PRKG1: variants seen among roughly 807,000 people sequenced by gnomAD.
PRKG1 encodes cGMP-dependent protein kinase 1.
Under a neutral mutation model 88.1 loss-of-function variants are expected in PRKG1, and 35 were observed. That is an observed-to-expected ratio of 0.40 (90% CI 0.30 to 0.53). The LOEUF is 0.53. PRKG1 is among the 20% of genes least tolerant of loss of function. The pLI is 0.59. For synonymous variants in PRKG1, 303 were observed against 292.5 expected, an observed-to-expected ratio of 1.04 and a Z score of -0.37; for missense variants, 540 against 839.8, an observed-to-expected ratio of 0.64 and a Z score of 4.41.
chr10:51,590,540 C>T (rs1231988447), intron 3 of PRKG1, among the ~76,000 whole-genome samples: 1 of 151,948 alleles, frequency 6.6e-6, no homozygotes, highest in African/African-American at 2.4e-5. Context: ...ATTCTGTCAC[C>T]AAGAAAAAAG....
At chr10:51,421,196 G>A (rs1043604078) in intron 2 of PRKG1, among the ~76,000 whole-genome samples, 2 of 151,784 alleles carry the variant, frequency 1.3e-5, no homozygotes, top group Non-Finnish European at 2.9e-5. Context: ...TTTAGAAACA[G>A]GGTCTTGTTC....
chr10:51,788,847 CAT>C (rs1294582129), intron 3 of PRKG1, among the ~76,000 whole-genome samples: 14 of 152,112 alleles, frequency 9.2e-5, no homozygotes, highest in African/African-American at 3.1e-4. Context: ...GGCTAATAGA[CAT>C]ATAATCTTGA....
chr10:51,866,099 G>A (rs10999824), intron 4 of PRKG1, among the ~76,000 whole-genome samples: 33,418 of 151,752 alleles, frequency 0.22, 4,290 homozygotes, highest in African/African-American at 0.36. Flanking sequence ...TAAAATAATT[G>A]TTGACTGATA....
intron 3 of PRKG1, among the ~76,000 whole-genome samples, chr10:51,678,890 G>A (rs1471177274): frequency 6.6e-6 from 1 of 152,158 alleles, no homozygotes; most frequent in Non-Finnish European, 1.5e-5. Context: ...ATTATCTTGG[G>A]ATATAATACA....
At chr10:52,014,673 C>A (rs1204855425) in intron 5 of PRKG1, among the ~76,000 whole-genome samples, 1 of 152,180 alleles carries the variant, frequency 6.6e-6, no homozygotes, top group Non-Finnish European at 1.5e-5. Flanking sequence ...AAGGCAAGTC[C>A]CTTCTAACTA....
intron 1 of PRKG1, among the ~76,000 whole-genome samples, chr10:51,109,861 C>A (rs1430791868): frequency 6.6e-6 from 1 of 151,842 alleles, no homozygotes; most frequent in Non-Finnish European, 1.5e-5. Context: ...GGATTTATAT[C>A]CAAAATATGA....
chr10:51,344,452 C>T (rs1842069039), intron 2 of PRKG1, among the ~76,000 whole-genome samples: 1 of 152,178 alleles, frequency 6.6e-6, no homozygotes, highest in African/African-American at 2.4e-5. Context: ...AGCAAATAGT[C>T]AAACTATATC....
At chr10:51,602,707 G>A (rs190557218) in intron 3 of PRKG1, among the ~76,000 whole-genome samples, 6 of 150,514 alleles carry the variant, frequency 4.0e-5, no homozygotes, top group Admixed American at 6.7e-5. Flanking sequence ...GAGCCACTGC[G>A]CCTGGCTGGC....
At chr10:51,311,820 C>A (rs1475175185) in intron 2 of PRKG1, among the ~76,000 whole-genome samples, 1 of 152,100 alleles carries the variant, frequency 6.6e-6, no homozygotes, top group Admixed American at 6.5e-5. Flanking sequence ...AGTAAACATA[C>A]TATGGAAAGG....
At chr10:51,725,939 A>G (rs562517868) in intron 3 of PRKG1, among the ~76,000 whole-genome samples, 1 of 152,302 alleles carries the variant, frequency 6.6e-6, no homozygotes, top group South Asian at 2.1e-4. Context: ...GTGCCTGGCC[A>G]AAGAATTTCA....
chr10:51,104,573 G>A (rs1212025019), intron 1 of PRKG1, among the ~76,000 whole-genome samples: 3 of 152,114 alleles, frequency 2.0e-5, no homozygotes, highest in African/African-American at 7.2e-5. Context: ...AGGCTGGAGT[G>A]CAGTGGTGCG....
intron 5 of PRKG1, among the ~76,000 whole-genome samples, chr10:51,956,428 T>C (rs1843304472): frequency 6.6e-6 from 1 of 151,902 alleles, no homozygotes; most frequent in South Asian, 2.1e-4. Context: ...ATAGTAACAA[T>C]AAAACAATTT....
At chr10:51,553,819 A>G (rs1048192186) in intron 3 of PRKG1, among the ~76,000 whole-genome samples, 16 of 101,180 alleles carry the variant, frequency 1.6e-4, no homozygotes, top group South Asian at 4.4e-4. Context: ...TATGTATTAG[A>G]TACGTGTATA....
At chr10:51,346,204 A>T (rs1014000809) in intron 2 of PRKG1, among the ~76,000 whole-genome samples, 38 of 152,226 alleles carry the variant, frequency 2.5e-4, no homozygotes, top group Non-Finnish European at 4.9e-4. Flanking sequence ...GTTCTCTCAT[A>T]ATTTATTTCA....
chr10:52,024,787 C>T (rs1845290097), intron 5 of PRKG1, among the ~76,000 whole-genome samples: 1 of 152,190 alleles, frequency 6.6e-6, no homozygotes, highest in South Asian at 2.1e-4. Context: ...CTGCAATAAA[C>T]ATACGTGTGC....
chr10:51,218,490 CATATATATAT>C lies in PRKG1; in HGVS notation c.478+65192_478+65201del, dbSNP rs869105973. Among the ~76,000 whole-genome samples, 70 of 40,776 alleles carry C rather than the reference CATATATATAT, an allele frequency of 1.7e-3. 1 individual carries two copies. The highest frequency in any genetic ancestry group is 3.3e-3 in the African/African-American group (29 of 8,754). The allele number at this position is 40,776 out of a possible 152,430, so 26.8% of individuals were successfully genotyped here. A position where few individuals can be genotyped will look rare whatever the true frequency, so the allele number is the denominator to read the frequency against. On this transcript the variant is annotated intron_variant, in intron 2 of 17. Transcript: ENST00000373980. ...ACTTTCATTATAGTTCATCTATCTT[CATATATATAT>C]ATATATATATATATATATATATATA...
chr10:51,627,800 T>C (rs1244978159), intron 3 of PRKG1, among the ~76,000 whole-genome samples: 1 of 152,048 alleles, frequency 6.6e-6, no homozygotes, highest in African/African-American at 2.4e-5. Flanking sequence ...CCTTCTGAAA[T>C]GGTAGAATGG....
intron 5 of PRKG1, among the ~76,000 whole-genome samples, chr10:52,048,226 T>C (rs2133242456): frequency 6.6e-6 from 1 of 152,138 alleles, no homozygotes; most frequent in Admixed American, 6.6e-5. Context: ...GAGGAAATAA[T>C]GATGTCATAT....
At chr10:52,184,968 A>C (rs1839152293) in intron 9 of PRKG1, 1 of 152,236 alleles carries the variant, frequency 6.6e-6, no homozygotes, top group African/African-American at 2.4e-5. Context: ...ACTGGGAACC[A>C]CATATCAACA....
Sources: gnomAD v4.1 joint callset for allele counts (sites outside exome capture counted in the v4.1 genomes callset) on GRCh38, gnomAD v4.1.1 for gene constraint, MANE v1.5 for transcripts, NCBI Gene and HGNC (gene_info 2026-07-23, HGNC 2026-07-21) for gene names.